ZNF738: variants seen among roughly 807,000 people sequenced by gnomAD.
ZNF738 encodes protein ZNF738.
A neutral mutation model predicts 9.2 loss-of-function variants in ZNF738; 10 were observed. That is an observed-to-expected ratio of 1.09 (90% CI 0.67 to 1.85). The LOEUF is 1.85. Among genes scored for constraint, ZNF738 ranks in the 40% most tolerant of loss-of-function variants. The pLI is 0.00. For synonymous variants in ZNF738, 113 were observed against 94.5 expected (o/e 1.20, Z -1.14); for missense variants, 346 against 283.6 (o/e 1.22, Z -1.58).
chr19:21,362,538 A>G (rs1487599725), intron 2 of ZNF738, among the ~76,000 whole-genome samples: 1 of 152,184 alleles, frequency 6.6e-6, no homozygotes, highest in African/African-American at 2.4e-5. Context: ...AACGTGAGTC[A>G]GACACATCTG....
intron 2 of ZNF738, among the ~76,000 whole-genome samples, chr19:21,362,802 G>A (rs1318764848): frequency 6.6e-6 from 1 of 152,146 alleles, no homozygotes; most frequent in Non-Finnish European, 1.5e-5. Context: ...TTTAATGGCT[G>A]GGTGATTTCA....
intron 2 of ZNF738, among the ~76,000 whole-genome samples, chr19:21,374,380 G>A (rs59617671): frequency 0.21 from 31,627 of 152,128 alleles, 3,430 homozygotes; most frequent in Non-Finnish European, 0.24. Context: ...TTTTCTGTGT[G>A]GTTAAATTCA....
chr19:21,359,025 G>A lies in ZNF738; in HGVS notation c.-116G>A. ...GTCTTTGGCTGCCGCTGGAACTCCG[G>A]GTCTCGTCTTCACTGCTCTGTGTCC... On this transcript the variant is annotated 5_prime_UTR_variant, in exon 1 of 5. Transcript: ENST00000683779. 2 of 782,016 alleles carry A rather than the reference G, an allele frequency of 2.6e-6. No individual in the cohort carries two copies. The highest frequency in any genetic ancestry group is 2.7e-5 in the South Asian group (2 of 74,918). 48.4% of individuals were successfully genotyped at this position (782,016 alleles called of 1,614,324 possible).
At chr19:21,374,130 TA>T (rs1322605876) in intron 2 of ZNF738, among the ~76,000 whole-genome samples, 2 of 152,282 alleles carry the variant, frequency 1.3e-5, no homozygotes, top group African/African-American at 4.8e-5. Flanking sequence ...ACGTCCTTAG[TA>T]AGGATGGAGA....
Position 21,385,001 on chromosome 19 carries a change from C to T in ZNF738, c.*1327C>T, listed in dbSNP as rs954778229. ...GGAGAATTCATGCGGAAGAGAATTT[C>T]TACAAATGTGAAGAATGTGGCAAAG... On this transcript the variant is annotated 3_prime_UTR_variant, in exon 5 of 5. Transcript: ENST00000683779. Among the ~76,000 whole-genome samples the T allele has an allele frequency of 2.0e-5, 3 of 152,248 alleles. No homozygotes were observed. The highest frequency in any genetic ancestry group is 7.2e-5 in the African/African-American group (3 of 41,468).
At chr19:21,368,157 G>T (rs2358989) in intron 2 of ZNF738, among the ~76,000 whole-genome samples, 89,156 of 151,894 alleles carry the variant, frequency 0.59, 26,157 homozygotes, top group Middle Eastern at 0.71. Flanking sequence ...GTAAAATTGT[G>T]TCATGGGGGT....
At chr19:21,371,396 CTG>C (rs1973855337) in intron 2 of ZNF738, among the ~76,000 whole-genome samples, 1 of 152,202 alleles carries the variant, frequency 6.6e-6, no homozygotes, top group African/African-American at 2.4e-5. Flanking sequence ...AATTATGTTT[CTG>C]TCTCGTTGTA....
In ZNF738 at chr19:21,388,452, A is replaced by G. The variant is rs1462428460; in HGVS notation, c.*4778A>G. Reference sequence around the variant, plus strand: ...TCTTTGTGGTTAACTTATACTCTTGAGTGATATATGAGGTAGGTGTTAAGA... The same window carrying G: ...TCTTTGTGGTTAACTTATACTCTTGGGTGATATATGAGGTAGGTGTTAAGA... On this transcript the variant is annotated 3_prime_UTR_variant, in exon 5 of 5. Coordinates refer to ENST00000683779, the MANE Select transcript of ZNF738 (RefSeq NM_001355237.2). 4.6e-5 allele frequency among the ~76,000 whole-genome samples: 7 copies of G among 152,146 alleles called. No individual in the cohort carries two copies. The highest frequency in any genetic ancestry group is 8.8e-5 in the Non-Finnish European group (6 of 68,002).
In ZNF738 at chr19:21,384,885, A is replaced by G. The variant is rs1445043245; in HGVS notation, c.*1211A>G. On this transcript the variant is annotated 3_prime_UTR_variant, in exon 5 of 5. Transcript: ENST00000683779. ...TTTTAACCAATCTTCAACCCTTACT[A>G]TACATAAGATAATTCATATTGGAGA... Among the ~76,000 whole-genome samples the G allele has an allele frequency of 6.6e-6, 1 of 152,264 alleles. No homozygotes were observed. Among genetic ancestry groups the G allele is most frequent in the African/African-American group, 2.4e-5 (1 of 41,476 alleles).
intron 2 of ZNF738, among the ~76,000 whole-genome samples, chr19:21,369,441 C>T (rs1973828069): frequency 1.3e-5 from 2 of 152,080 alleles, no homozygotes; most frequent in African/African-American, 4.8e-5. Context: ...AGTCTACCAT[C>T]AATAGGCAAT....
At chr19:21,360,654 A>C (rs1973674430) in intron 1 of ZNF738, 1 of 152,126 alleles carries the variant, frequency 6.6e-6, no homozygotes, top group African/African-American at 2.4e-5. Context: ...GGGTTTCACC[A>C]TGCTGGCCAG....
chr19:21,371,632 C>T (rs1490545388), intron 2 of ZNF738, among the ~76,000 whole-genome samples: 1 of 152,176 alleles, frequency 6.6e-6, no homozygotes, highest in Non-Finnish European at 1.5e-5. Flanking sequence ...AGACTAGCAA[C>T]TGGATACATG....
intron 2 of ZNF738, 79 bp downstream of exon 2, chr19:21,361,937 C>T (rs1042891185): frequency 9.1e-6 from 6 of 658,054 alleles, no homozygotes; most frequent in Non-Finnish European, 1.4e-5. Flanking sequence ...AAAACTTAGC[C>T]AAGCATGGTG....
At chr19:21,372,271 G>C (rs1973867011) in intron 2 of ZNF738, 1 of 152,048 alleles carries the variant, frequency 6.6e-6, no homozygotes, top group Admixed American at 6.5e-5. Context: ...GGTAAACTTA[G>C]GAAAAACAGA....
At chr19:21,370,660 A>T (rs1382655838) in intron 2 of ZNF738, among the ~76,000 whole-genome samples, 1 of 152,130 alleles carries the variant, frequency 6.6e-6, no homozygotes. Flanking sequence ...CTTGGCCCAG[A>T]TGAAGTCTCT....
At chr19:21,381,141 G>C in intron 4 of ZNF738, 2 of 849,296 alleles carry the variant, frequency 2.4e-6, no homozygotes, top group Non-Finnish European at 1.9e-6. Context: ...AAGCACGTGA[G>C]AGTCACATGA....
At chr19:21,374,965 A>T (rs1338568596) in intron 2 of ZNF738, among the ~76,000 whole-genome samples, 1 of 152,220 alleles carries the variant, frequency 6.6e-6, no homozygotes, top group Admixed American at 6.5e-5. Flanking sequence ...ACACTAAAAA[A>T]TATACATGTT....
chr19:21,363,311 G>T (rs920451187), intron 2 of ZNF738, among the ~76,000 whole-genome samples: 21 of 152,160 alleles, frequency 1.4e-4, no homozygotes, highest in Non-Finnish European at 1.5e-5. Flanking sequence ...TAAAGCTTGA[G>T]CCCAGTGACT....
At chr19:21,372,893 C>T (rs1366967037) in intron 2 of ZNF738, 3 of 152,110 alleles carry the variant, frequency 2.0e-5, no homozygotes, top group Non-Finnish European at 4.4e-5. Flanking sequence ...CCTTCTGTGT[C>T]CTCTGTAAAC....
Sources: gnomAD v4.1 joint callset for allele counts (sites outside exome capture counted in the v4.1 genomes callset) on GRCh38, gnomAD v4.1.1 for gene constraint, MANE v1.5 for transcripts, NCBI Gene and HGNC (gene_info 2026-07-23, HGNC 2026-07-21) for gene names.